The following PBX3 variants were observed in gnomAD, a reference collection of about 807,000 sequenced individuals.
PBX3 encodes PBX homeobox 3.
In PBX3, 14 loss-of-function variants were observed where a neutral mutation model predicts 48.5. That is an observed-to-expected ratio of 0.29 (90% CI 0.19 to 0.45). PBX3 has a LOEUF of 0.45. Ranked by LOEUF, PBX3 falls within the 20% of genes least tolerant of loss-of-function variation. PBX3 has a pLI of 1.00. For synonymous variants in PBX3, 210 were observed against 200.3 expected, an observed-to-expected ratio of 1.05 and a Z score of -0.41; for missense variants, 386 against 546.7, an observed-to-expected ratio of 0.71 and a Z score of 2.93.
At chr9:125,855,692 C>CT (rs1169720322) in intron 2 of PBX3, among the ~76,000 whole-genome samples, 1 of 152,076 alleles carries the variant, frequency 6.6e-6, no homozygotes, top group East Asian at 1.9e-4. Flanking sequence ...GAGAATGTGA[C>CT]TTTTTCCCCT....
At chr9:125,949,208 G>T (rs547100772) in intron 5 of PBX3, among the ~76,000 whole-genome samples, 1 of 152,324 alleles carries the variant, frequency 6.6e-6, no homozygotes, top group South Asian at 2.1e-4. Context: ...ATTATTTAAT[G>T]AGTCCATTTT....
chr9:125,774,224 G>T (rs1308530723), intron 2 of PBX3, among the ~76,000 whole-genome samples: 1 of 152,148 alleles, frequency 6.6e-6, no homozygotes, highest in East Asian at 1.9e-4. Flanking sequence ...ACCAGATCTT[G>T]TGAAAACTCT....
At chr9:125,853,509 T>C (rs1839637072) in intron 2 of PBX3, among the ~76,000 whole-genome samples, 1 of 152,346 alleles carries the variant, frequency 6.6e-6, no homozygotes, top group Admixed American at 6.5e-5. Context: ...GTTAGAATAC[T>C]GTAGAATACA....
chr9:125,822,079 TTAAA>T (rs1350711659), intron 2 of PBX3, among the ~76,000 whole-genome samples: 1 of 152,142 alleles, frequency 6.6e-6, no homozygotes, highest in African/African-American at 2.4e-5. Context: ...TAGCCTGTGA[TTAAA>T]TAAAGGGCCT....
At chr9:125,837,329 A>C (rs1216824513) in intron 2 of PBX3, among the ~76,000 whole-genome samples, 1 of 151,112 alleles carries the variant, frequency 6.6e-6, no homozygotes, top group Admixed American at 6.6e-5. Context: ...AAATAATAGA[A>C]ATGTATACTT....
chr9:125,864,831 G>C (rs1426141306), intron 2 of PBX3, among the ~76,000 whole-genome samples: 1 of 152,214 alleles, frequency 6.6e-6, no homozygotes, highest in Non-Finnish European at 1.5e-5. Context: ...GCACCGGTCC[G>C]TGACTTGGGG....
chr9:125,853,484 GA>G (rs1162561713), intron 2 of PBX3, among the ~76,000 whole-genome samples: 1 of 152,174 alleles, frequency 6.6e-6, no homozygotes, highest in East Asian at 1.9e-4. Flanking sequence ...ACAAAAAGAA[GA>G]ATATCAGTCA....
intron 2 of PBX3, among the ~76,000 whole-genome samples, chr9:125,815,446 CT>C (rs1838431459): frequency 6.6e-6 from 1 of 152,114 alleles, no homozygotes; most frequent in African/African-American, 2.4e-5. Context: ...TAATTTCCTT[CT>C]CTTCCTCTCT....
chr9:125,821,344 T>C (rs965868560), intron 2 of PBX3, among the ~76,000 whole-genome samples: 16 of 152,086 alleles, frequency 1.1e-4, no homozygotes, highest in Non-Finnish European at 2.4e-4. Context: ...AAGAAACGCA[T>C]AGAGGTATAA....
intron 2 of PBX3, among the ~76,000 whole-genome samples, chr9:125,905,932 C>A (rs1250437853): frequency 6.6e-6 from 1 of 151,970 alleles, no homozygotes; most frequent in Non-Finnish European, 1.5e-5. Flanking sequence ...TAGACACTTA[C>A]ATGGTTTTTA....
intron 2 of PBX3, among the ~76,000 whole-genome samples, chr9:125,778,369 T>A (rs1317739516): frequency 6.6e-6 from 1 of 151,998 alleles, no homozygotes; most frequent in Non-Finnish European, 1.5e-5. Context: ...AGCAATTCTC[T>A]GCCTCAGCCT....
chr9:125,960,798 G>A lies in PBX3; in HGVS notation c.958G>A (p.Ala320Thr), dbSNP rs199830900. The change falls in exon 6 of 9, where the codon GCA becomes ACA. Residue 320 changes from alanine (A) to threonine (T), a missense_variant. Transcript: ENST00000373489. The part of the protein sequence containing the change: ...KTAVTAAHAV[A>T]AAVQNNQTNS... The stretch of plus-strand genomic sequence containing the variant: ...GGCCGTGACAGCTGCACACGCAGTA[G>A]CAGCAGCTGTGCAGAACAACCAGAC... 1 of 1,614,160 alleles carries A rather than the reference G, an allele frequency of 6.2e-7. No homozygotes were observed. The highest frequency in any genetic ancestry group is 8.5e-7 in the Non-Finnish European group (1 of 1,179,994).
At chr9:125,894,047 AC>A (rs1180892480) in intron 2 of PBX3, among the ~76,000 whole-genome samples, 2 of 152,176 alleles carry the variant, frequency 1.3e-5, no homozygotes, top group Non-Finnish European at 2.9e-5. Flanking sequence ...CACCATGGCT[AC>A]ATATAGTTGC....
At chr9:125,810,288 G>A (rs1454107491) in intron 2 of PBX3, among the ~76,000 whole-genome samples, 1 of 151,842 alleles carries the variant, frequency 6.6e-6, no homozygotes, top group Non-Finnish European at 1.5e-5. Flanking sequence ...AATTCTCAAG[G>A]GGCTTACAAT....
chr9:125,886,882 T>G (rs1439880977), intron 2 of PBX3, among the ~76,000 whole-genome samples: 1 of 152,182 alleles, frequency 6.6e-6, no homozygotes, highest in Non-Finnish European at 1.5e-5. Context: ...TAAAGAGACA[T>G]TACTCTGTCT....
At chr9:125,765,115 C>A (rs867594457) in intron 2 of PBX3, among the ~76,000 whole-genome samples, 3 of 151,154 alleles carry the variant, frequency 2.0e-5, no homozygotes, top group African/African-American at 7.3e-5. Flanking sequence ...TAAATGGCAT[C>A]GTTTAAAGTT....
chr9:125,922,085 A>G (rs1195035030), intron 3 of PBX3, among the ~76,000 whole-genome samples: 4 of 152,208 alleles, frequency 2.6e-5, no homozygotes, highest in African/African-American at 9.6e-5. Context: ...AAGCCCCACC[A>G]CAAAATAAAG....
chr9:125,867,588 C>T (rs1437055401), intron 2 of PBX3, among the ~76,000 whole-genome samples: 13 of 142,406 alleles, frequency 9.1e-5, no homozygotes, highest in Non-Finnish European at 1.9e-4. Flanking sequence ...TGCAGTGAGC[C>T]GAGATGGCAC....
intron 2 of PBX3, among the ~76,000 whole-genome samples, chr9:125,911,458 A>G (rs996666319): frequency 1.1e-4 from 16 of 152,148 alleles, no homozygotes; most frequent in Non-Finnish European, 2.2e-4. Flanking sequence ...ACTATCCTGC[A>G]TGTTACTTTA....
Sources: gnomAD v4.1 joint callset for allele counts (sites outside exome capture counted in the v4.1 genomes callset) on GRCh38, gnomAD v4.1.1 for gene constraint, MANE v1.5 for transcripts, NCBI Gene and HGNC (gene_info 2026-07-23, HGNC 2026-07-21) for gene names.